Variants in DRICH1 observed in about 807,000 individuals in gnomAD.
The protein encoded by DRICH1 is aspartate rich 1, also known as aspartate-rich protein 1.
DRICH1 carries 38 observed loss-of-function variants against 39.5 expected under a neutral mutation model. That is an observed-to-expected ratio of 0.96 (90% CI 0.74 to 1.26). The LOEUF is 1.26. Ranked by LOEUF, DRICH1 falls within the 50% of genes most tolerant of loss-of-function variation. The pLI is 0.00. For synonymous variants in DRICH1, 84 were observed against 99.5 expected (o/e 0.84, Z 0.93); for missense variants, 279 against 270.4 (o/e 1.03, Z -0.22).
intron 3 of DRICH1, among the ~76,000 whole-genome samples, chr22:23,622,583 GATCT>G (rs1384904740): frequency 1.3e-5 from 2 of 152,038 alleles, no homozygotes; most frequent in African/African-American, 2.4e-5. Flanking sequence ...TGTTTTAAAA[GATCT>G]ATTACTTAAT....
At chr22:23,608,872 C>T (rs927559109) in intron 11 of DRICH1, 104 bp from the exon 12 acceptor site, 12 of 1,247,572 alleles carry the variant, frequency 9.6e-6, no homozygotes, top group Non-Finnish European at 1.4e-5. Flanking sequence ...CCTGGGCTCC[C>T]GCCTCTGCAG....
chr22:23,619,709 C>G (rs1454627429), intron 5 of DRICH1, among the ~76,000 whole-genome samples: 1 of 151,724 alleles, frequency 6.6e-6, no homozygotes, highest in Non-Finnish European at 1.5e-5. Flanking sequence ...CATGAAAAAA[C>G]AGAATGCTGA....
At chr22:23,626,434 T>C (rs1250955435) in intron 1 of DRICH1, among the ~76,000 whole-genome samples, 2 of 152,208 alleles carry the variant, frequency 1.3e-5, no homozygotes, top group African/African-American at 2.4e-5. Context: ...ATCTATCTTA[T>C]TAAAATTCCA....
At chr22:23,590,630 G>A in the DRICH1 span, among the ~76,000 whole-genome samples, 2 of 151,726 alleles carry the variant, frequency 1.3e-5, no homozygotes, top group African/African-American at 4.8e-5. Context: ...ATGGAGTCTC[G>A]TTCTGTCACC....
At chr22:23,581,023 G>A in the DRICH1 span, 3 of 152,162 alleles carry the variant, frequency 2.0e-5, no homozygotes, top group African/African-American at 4.8e-5. Flanking sequence ...CCTACAGTGC[G>A]ATGCTTTGCC....
chr22:23,594,286 T>G, the DRICH1 span, among the ~76,000 whole-genome samples: 1 of 152,060 alleles, frequency 6.6e-6, no homozygotes, highest in African/African-American at 2.4e-5. Context: ...AAAAAAAAGT[T>G]GGCTGGGTGT....
At chr22:23,596,516 G>A in the DRICH1 span, among the ~76,000 whole-genome samples, 14 of 152,164 alleles carry the variant, frequency 9.2e-5, no homozygotes, top group East Asian at 1.2e-3. Flanking sequence ...TGGCCTCCCC[G>A]CTCTGCATTT....
At chr22:23,615,437 A>G (rs1602335834) in intron 8 of DRICH1, among the ~76,000 whole-genome samples, 1 of 152,348 alleles carries the variant, frequency 6.6e-6, no homozygotes, top group East Asian at 1.9e-4. Context: ...TATTGGTATA[A>G]GAAACCAAAA....
chr22:23,606,077 G>T (rs1483965027), downstream of DRICH1, among the ~76,000 whole-genome samples: 1 of 149,714 alleles, frequency 6.7e-6, no homozygotes, highest in African/African-American at 2.5e-5. Flanking sequence ...TTTTTTGAGT[G>T]AGACCCCACC....
At chr22:23,603,108 C>T in the DRICH1 span, among the ~76,000 whole-genome samples, 2 of 151,266 alleles carry the variant, frequency 1.3e-5, no homozygotes, top group African/African-American at 4.9e-5. Context: ...CAGGTTCAAG[C>T]GATTCTCCTA....
At chr22:23,591,691 A>G in the DRICH1 span, among the ~76,000 whole-genome samples, 2 of 152,180 alleles carry the variant, frequency 1.3e-5, no homozygotes, top group African/African-American at 2.4e-5. Context: ...TGTGGAGCAC[A>G]TGGGCTCAGG....
chr22:23,606,770 C>T (rs1926755166), downstream of DRICH1, among the ~76,000 whole-genome samples: 1 of 152,144 alleles, frequency 6.6e-6, no homozygotes, highest in Non-Finnish European at 1.5e-5. Flanking sequence ...GGCAGATGCC[C>T]CCTGAGATGC....
At chr22:23,629,774 T>C (rs8140395) in intron 1 of DRICH1, among the ~76,000 whole-genome samples, 38,368 of 151,654 alleles carry the variant, frequency 0.25, 4,885 homozygotes, top group East Asian at 0.33. Context: ...TGGGCCACCA[T>C]GGCCAGCTAA....
At chr22:23,622,200 C>G (rs778845204) in intron 3 of DRICH1, 24 bp from the exon 4 acceptor site, 1 of 1,607,980 alleles carries the variant, frequency 6.2e-7, no homozygotes, top group South Asian at 1.1e-5. Flanking sequence ...GAGGAAAGAT[C>G]CGTGCCCTGG....
intron 11 of DRICH1, among the ~76,000 whole-genome samples, chr22:23,609,036 G>A (rs969077897): frequency 1.3e-5 from 2 of 152,192 alleles, no homozygotes; most frequent in East Asian, 1.9e-4. Context: ...CCCATTTACC[G>A]TTATCAGCTT....
At chr22:23,588,003 G>A in the DRICH1 span, among the ~76,000 whole-genome samples, 109 of 152,166 alleles carry the variant, frequency 7.2e-4, no homozygotes, top group Admixed American at 7.2e-4. Context: ...TGCCTTCTGA[G>A]GAATCCCCAC....
chr22:23,606,167 GC>G (rs1463844687), downstream of DRICH1, among the ~76,000 whole-genome samples: 2 of 151,840 alleles, frequency 1.3e-5, no homozygotes, highest in Non-Finnish European at 2.9e-5. Flanking sequence ...GTCTGCCCAG[GC>G]CCCTCTAGGG....
chr22:23,591,942 A>AGGG, the DRICH1 span, among the ~76,000 whole-genome samples: 38 of 152,120 alleles, frequency 2.5e-4, no homozygotes, highest in African/African-American at 8.7e-4. Flanking sequence ...AGGGGTGTGG[A>AGGG]GGGGGAGCAG....
At chr22:23,591,995 A>T in the DRICH1 span, among the ~76,000 whole-genome samples, 5 of 151,706 alleles carry the variant, frequency 3.3e-5, no homozygotes, top group Non-Finnish European at 7.4e-5. Flanking sequence ...TGGGAATAGG[A>T]CTCCCCCAAA....
Sources: allele counts gnomAD v4.1 joint callset (sites outside exome capture counted in the v4.1 genomes callset), GRCh38; gene constraint gnomAD v4.1.1; transcripts MANE v1.5; gene names NCBI Gene and HGNC (gene_info 2026-07-23, HGNC 2026-07-21).